DCAF5: variants seen among roughly 807,000 people sequenced by gnomAD.
DCAF5 encodes DDB1- and CUL4-associated factor 5.
A neutral mutation model predicts 80.7 loss-of-function variants in DCAF5; 9 were observed. The observed-to-expected ratio is 0.11, with a 90% CI of 0.07 to 0.19. The LOEUF is 0.19. Among genes scored for constraint, DCAF5 ranks in the 10% least tolerant of loss-of-function variants. The probability of loss-of-function intolerance (pLI) is 1.00; values close to 1 mark genes in which losing one functional copy is unlikely to be tolerated. For missense variants in DCAF5, 842 were observed against 1,205.7 expected (o/e 0.70, Z 4.47); for synonymous variants, 433 against 461.9 (o/e 0.94, Z 0.80).
chr14:69,147,757 T>C (rs896604766), intron 1 of DCAF5, among the ~76,000 whole-genome samples: 3 of 152,208 alleles, frequency 2.0e-5, no homozygotes, highest in East Asian at 3.8e-4. Flanking sequence ...TGAAACATCA[T>C]AGTTGCTCAT....
Position 69,152,745 on chromosome 14 carries a change from G to A in DCAF5, c.214+20C>T. ...GGGAGGGTGCGGGGAGGCGCGGGGAGGGGAAGGGGGTTGATTTACCTGAGA... is the reference window on the plus strand; with the variant it reads ...GGGAGGGTGCGGGGAGGCGCGGGGAAGGGAAGGGGGTTGATTTACCTGAGA... On this transcript the variant is annotated intron_variant, in intron 1 of 8. Transcript: ENST00000341516. The surrounding 1 kb of genome is among the most constrained non-coding windows in gnomAD (Gnocchi z 4.1). 3 of 1,604,082 alleles carry A rather than the reference G, an allele frequency of 1.9e-6. No individual in the cohort carries two copies. Among genetic ancestry groups the A allele is most frequent in the South Asian group, 1.1e-5 (1 of 90,248 alleles).
At chr14:69,138,384 G>A (rs930030010) in intron 1 of DCAF5, among the ~76,000 whole-genome samples, 1 of 152,172 alleles carries the variant, frequency 6.6e-6, no homozygotes, top group Non-Finnish European at 1.5e-5. Context: ...ATTAAAACTG[G>A]AGACTCAACC....
chr14:69,152,527 T>C lies in DCAF5; in HGVS notation c.214+238A>G, dbSNP rs573277996. The C allele has an allele frequency of 1.0e-4, 55 of 540,960 alleles. No homozygotes were observed. The highest frequency in any genetic ancestry group is 1.6e-4 in the Non-Finnish European group (48 of 299,838). The allele number at this position is 540,960 out of a possible 1,614,324, so 33.5% of individuals were successfully genotyped here. A position where few individuals can be genotyped will look rare whatever the true frequency, so the allele number is the denominator to read the frequency against. On this transcript the variant is annotated intron_variant, in intron 1 of 8. Coordinates refer to ENST00000341516, the MANE Select transcript of DCAF5 (RefSeq NM_003861.3). The surrounding 1 kb of genome is among the most constrained non-coding windows in gnomAD (Gnocchi z 4.1). ...GCATCAGGAGAGATCACTTTGCACT[T>C]GGGATAAAGCGAATTAAGGAGCTGT...
In DCAF5 at chr14:69,143,553, C is replaced by CTTTTT. The variant is rs562355110; in HGVS notation, c.214+9207_214+9211dup. 5.9e-4 allele frequency among the ~76,000 whole-genome samples: 60 copies of CTTTTT among 102,168 alleles called. 1 individual carries two copies. Among genetic ancestry groups the CTTTTT allele is most frequent in the African/African-American group, 1.8e-3 (49 of 26,558 alleles). The allele number at this position is 102,168 out of a possible 152,430, so 67.0% of individuals were successfully genotyped here. A position where few individuals can be genotyped will look rare whatever the true frequency, so the allele number is the denominator to read the frequency against. On this transcript the variant is annotated intron_variant, in intron 1 of 8. Transcript: ENST00000341516. ...TTAGCTATTTAAAAAATCTGTTAAA[C>CTTTTT]TTTTTTTTTTTTTTTTTTTTTTTTT...
intron 5 of DCAF5, among the ~76,000 whole-genome samples, chr14:69,107,466 G>A (rs1239031352): frequency 6.6e-6 from 1 of 152,186 alleles, no homozygotes; most frequent in Non-Finnish European, 1.5e-5. Flanking sequence ...TAGGTATGGG[G>A]TCCAGGAAGG....
intron 8 of DCAF5, among the ~76,000 whole-genome samples, chr14:69,062,033 C>A (rs2038234570): frequency 6.6e-6 from 1 of 152,118 alleles, no homozygotes; most frequent in African/African-American, 2.4e-5. Context: ...CTGAAAAGAG[C>A]ATTTTAAATC....
chr14:69,127,054 A>G (rs1002464481), intron 1 of DCAF5, among the ~76,000 whole-genome samples: 87 of 152,232 alleles, frequency 5.7e-4, no homozygotes, highest in Non-Finnish European at 7.8e-4. Flanking sequence ...AAAATGGTAC[A>G]GCCACCTTTG....
At chr14:69,130,320 A>T (rs2041002960) in intron 1 of DCAF5, among the ~76,000 whole-genome samples, 1 of 152,244 alleles carries the variant, frequency 6.6e-6, no homozygotes, top group Admixed American at 6.5e-5. Context: ...TTATTGTTTA[A>T]TAAAATAAGC....
chr14:69,086,997 CTAT>C lies in DCAF5; in HGVS notation c.879+4674_879+4676del, dbSNP rs565552301. 2.4e-4 allele frequency among the ~76,000 whole-genome samples: 37 copies of C among 152,314 alleles called. 2 individuals are homozygous for C. The South Asian group carries it at 5.2e-3, about 21-fold the overall frequency. On this transcript the variant is annotated intron_variant, in intron 6 of 8. Transcript: ENST00000341516. The stretch of plus-strand genomic sequence containing the variant: ...TCCTACTTTCAGCAAGATGTAGGGA[CTAT>C]TAGACCAGGCATCATATGAGACTAA...
rs75033446 is a variant in DCAF5, at chr14:69,111,122, C to T, written c.665+5244G>A. ...CATGAGTGCCTTTTCCAGCCTTTGA[C>T]ATTAAGCCCCTGGGCTTTATTTTCC... On this transcript the variant is annotated intron_variant, in intron 5 of 8. Coordinates refer to ENST00000341516, the MANE Select transcript of DCAF5 (RefSeq NM_003861.3). Among the ~76,000 whole-genome samples the T allele has an allele frequency of 2.1e-3, 321 of 152,308 alleles. 5 individuals are homozygous for T. The highest frequency in any genetic ancestry group is 6.7e-3 in the African/African-American group (277 of 41,572).
At chr14:69,127,177 C>T (rs2040903888) in intron 1 of DCAF5, among the ~76,000 whole-genome samples, 1 of 152,196 alleles carries the variant, frequency 6.6e-6, no homozygotes, top group Admixed American at 6.5e-5. Flanking sequence ...ACACAAAGAC[C>T]TGTACATGGA....
intron 1 of DCAF5, among the ~76,000 whole-genome samples, chr14:69,136,670 G>C (rs2041206209): frequency 6.6e-6 from 1 of 151,922 alleles, no homozygotes; most frequent in Admixed American, 6.6e-5. Context: ...TTCCCCTCAG[G>C]GAAAATCACC....
In DCAF5 at chr14:69,084,386, C is replaced by T. The variant is rs531271252; in HGVS notation, c.879+7288G>A. The T allele has an allele frequency of 3.3e-5, 30 of 918,124 alleles. No individual in the cohort carries two copies. The African/African-American group carries it at 3.9e-4, about 12-fold the overall frequency. 56.9% of individuals were successfully genotyped at this position (918,124 alleles called of 1,614,324 possible). A position where few individuals can be genotyped will look rare whatever the true frequency, so the allele number is the denominator to read the frequency against. ...GTGTCTGGTTATCGATGAAGCTGAT[C>T]GTATCTTGGATGTTGAGTTTGAAGA... On this transcript the variant is annotated intron_variant, in intron 6 of 8. Coordinates refer to ENST00000341516, the MANE Select transcript of DCAF5 (RefSeq NM_003861.3).
At chr14:69,074,760 G>A (rs1566732334) in intron 7 of DCAF5, among the ~76,000 whole-genome samples, 1 of 152,154 alleles carries the variant, frequency 6.6e-6, no homozygotes, top group African/African-American at 2.4e-5. Context: ...TGGGCTGGGT[G>A]CGGTGGCTCA....
At chr14:69,153,161 C>T, upstream of DCAF5, 3 of 443,324 alleles carry the variant, frequency 6.8e-6, no homozygotes, top group Non-Finnish European at 3.9e-6. Flanking sequence ...ACGGTCCCCT[C>T]CCTCTCCTTC....
intron 7 of DCAF5, among the ~76,000 whole-genome samples, chr14:69,063,608 A>T (rs2139853737): frequency 6.6e-6 from 1 of 152,338 alleles, no homozygotes; most frequent in East Asian, 1.9e-4. Context: ...TTCCACTCCC[A>T]ACTCCACCTT....
At chr14:69,074,085 C>T (rs975596137) in intron 7 of DCAF5, among the ~76,000 whole-genome samples, 4 of 152,100 alleles carry the variant, frequency 2.6e-5, no homozygotes, top group African/African-American at 9.7e-5. Flanking sequence ...TGAGTTATGC[C>T]AAAAGTAGGC....
At chr14:69,060,515 C>T (rs1389842179) in intron 8 of DCAF5, among the ~76,000 whole-genome samples, 1 of 152,022 alleles carries the variant, frequency 6.6e-6, no homozygotes, top group Non-Finnish European at 1.5e-5. Context: ...AAAATACTGA[C>T]CTACATGCCA....
At chr14:69,063,113 C>T (rs927847829) in intron 7 of DCAF5, among the ~76,000 whole-genome samples, 2 of 152,172 alleles carry the variant, frequency 1.3e-5, no homozygotes, top group Admixed American at 6.5e-5. Context: ...ATTTGGATCA[C>T]TTTCATAATA....
Sources: gnomAD v4.1 joint callset for allele counts (sites outside exome capture counted in the v4.1 genomes callset) on GRCh38, gnomAD v4.1.1 for gene constraint, Gnocchi (gnomAD v3.1) non-coding constraint, MANE v1.5 for transcripts, NCBI Gene and HGNC (gene_info 2026-07-23, HGNC 2026-07-21) for gene names.